ITGA5: variants seen among roughly 807,000 people sequenced by gnomAD.
The protein encoded by ITGA5 is integrin alpha-5.
A neutral mutation model predicts 146.3 loss-of-function variants in ITGA5; 55 were observed. The observed-to-expected ratio is 0.38, with a 90% confidence interval of 0.30 to 0.47. ITGA5 has a LOEUF of 0.47. Among genes scored for constraint, ITGA5 ranks in the 20% least tolerant of loss-of-function variants. ITGA5 has a pLI of 0.99. For missense variants in ITGA5, 1,131 were observed against 1,329.0 expected, an observed-to-expected ratio of 0.85 and a Z score of 2.32; for synonymous variants, 500 against 531.8, an observed-to-expected ratio of 0.94 and a Z score of 0.82.
At chr12:54,412,204 C>T (rs965398064) in intron 1 of ITGA5, 2 of 425,400 alleles carry the variant, frequency 4.7e-6, no homozygotes, top group Non-Finnish European at 8.5e-6. Context: ...TCTCTGTCCT[C>T]TCCTACCTTA....
intron 2 of ITGA5, 130 bp downstream of exon 2, chr12:54,411,704 A>T: frequency 3.1e-6 from 2 of 648,838 alleles, no homozygotes; most frequent in South Asian, 6.2e-5. Context: ...TTGGAGCACC[A>T]GAGCTGGTGC....
At chr12:54,396,590 T>C (rs1955714008) in intron 29 of ITGA5, among the ~76,000 whole-genome samples, 1 of 152,214 alleles carries the variant, frequency 6.6e-6, no homozygotes, top group African/African-American at 2.4e-5. Context: ...GGGTATCTTT[T>C]ACCAGTGCCT....
At chr12:54,413,302 C>G (rs73113392) in intron 1 of ITGA5, 1 of 152,526 alleles carries the variant, frequency 6.6e-6, no homozygotes, top group Non-Finnish European at 1.5e-5. Context: ...AGGACAGGTC[C>G]GAGGGGACGG....
At position 54,409,823 on chromosome 12, in the gene ITGA5, T is replaced by A; in HGVS notation, c.350-226A>T. 1 of 492,136 alleles carries A rather than the reference T, an allele frequency of 2.0e-6. No individual in the cohort carries two copies. The highest frequency in any genetic ancestry group is 3.6e-5 in the East Asian group (1 of 28,014). 30.5% of individuals were successfully genotyped at this position (492,136 alleles called of 1,614,324 possible). On this transcript the variant is annotated intron_variant, in intron 2 of 29. Coordinates refer to ENST00000293379, the MANE Select transcript of ITGA5 (RefSeq NM_002205.5). The surrounding 1 kb of genome is among the most constrained non-coding windows in gnomAD (Gnocchi z 4.7). ...ACACATACACATACACACACACACA[T>A]ACATACACACGCACGCACACGCACA...
In ITGA5 at chr12:54,395,777, ATAGT is replaced by A. The variant is rs1955699578; in HGVS notation, c.*512_*515del. On this transcript the variant is annotated 3_prime_UTR_variant, in exon 30 of 30. Coordinates refer to ENST00000293379, the MANE Select transcript of ITGA5 (RefSeq NM_002205.5). ...CTGAGCTGGTCCTGGGGCACCATGCATAGTTAGTGTTCTTTGTTGGCCCACCAGG... is the reference window on the plus strand; with the variant it reads ...CTGAGCTGGTCCTGGGGCACCATGCATAGTGTTCTTTGTTGGCCCACCAGG... 1 of 157,312 alleles carries A rather than the reference ATAGT, an allele frequency of 6.4e-6. No homozygotes were observed. Among genetic ancestry groups the A allele is most frequent in the South Asian group, 1.9e-4 (1 of 5,316 alleles). The allele number at this position is 157,312 out of a possible 1,614,324, so 9.7% of individuals were successfully genotyped here.
chr12:54,407,770 C>A (rs1401789778), intron 8 of ITGA5, 62 bp downstream of exon 8: 3 of 1,604,134 alleles, frequency 1.9e-6, no homozygotes, highest in Non-Finnish European at 1.7e-6. Context: ...AGTTCATGGG[C>A]TCTCTGGCCC....
intron 4 of ITGA5, 26 bp from the exon 5 acceptor site, chr12:54,408,980 T>C (rs781152235): frequency 6.2e-7 from 1 of 1,610,736 alleles, no homozygotes; most frequent in South Asian, 1.1e-5. Context: ...GTGGTGAAAA[T>C]GAGCCCTGCA....
chr12:54,403,085 A>G lies in ITGA5; in HGVS notation c.1915-35T>C. Reference sequence around the variant, plus strand: ...AGGGCAGCCTTGAGAGGGGAAGTTTAGACCCATTCCTGGGCTGTAGGCTCT... The same window carrying G: ...AGGGCAGCCTTGAGAGGGGAAGTTTGGACCCATTCCTGGGCTGTAGGCTCT... On this transcript the variant is annotated intron_variant, in intron 18 of 29. Transcript: ENST00000293379. This position sits in a 1 kb window ranked among gnomAD's most constrained non-coding sequence, Gnocchi z 4.9. The G allele has an allele frequency of 6.2e-7, 1 of 1,613,464 alleles. No homozygotes were observed.
chr12:54,401,684 A>G lies in ITGA5; in HGVS notation c.2307-19T>C, dbSNP rs776096493. The G allele has an allele frequency of 2.5e-6, 4 of 1,613,990 alleles. No individual in the cohort carries two copies. The Admixed American group carries it at 6.7e-5, about 27-fold the overall frequency. ...ATTCTTGCTGTGGGATGGAGGCAAG[A>G]CTGAGGTGCTGGAGTGCAGCCAGTG... On this transcript the variant is annotated intron_variant, in intron 22 of 29. Coordinates refer to ENST00000293379, the MANE Select transcript of ITGA5 (RefSeq NM_002205.5). The surrounding 1 kb of genome is among the most constrained non-coding windows in gnomAD (Gnocchi z 5.0).
At chr12:54,405,555 T>G in intron 11 of ITGA5, 109 bp downstream of exon 11, 1 of 1,131,414 alleles carries the variant, frequency 8.8e-7, no homozygotes, top group Middle Eastern at 2.0e-4. Context: ...TGAGCGAGAG[T>G]CTAGAGAAAA....
chr12:54,397,100 C>A (rs1464632378), intron 29 of ITGA5, among the ~76,000 whole-genome samples: 1 of 152,116 alleles, frequency 6.6e-6, no homozygotes, highest in African/African-American at 2.4e-5. Flanking sequence ...ACAAATGCCA[C>A]GTATTTGTCA....
chr12:54,407,777 G>C, intron 8 of ITGA5, 55 bp downstream of exon 8: 1 of 1,605,702 alleles, frequency 6.2e-7, no homozygotes, highest in Non-Finnish European at 8.5e-7. Flanking sequence ...GGGCTCTCTG[G>C]CCCTGTGCCT....
chr12:54,397,611 G>A (rs1436475574), intron 28 of ITGA5, 124 bp from the exon 29 acceptor site: 1 of 1,164,256 alleles, frequency 8.6e-7, no homozygotes, highest in African/African-American at 1.5e-5. Context: ...GAACAGGGAG[G>A]GCCTGTGTCT....
chr12:54,409,154 G>T lies in ITGA5; in HGVS notation c.583+78C>A. ...CCTCATGGGGGCACATGGTAGGTGC[G>T]AGTCAACCCTAAGTATGTGAGACAC... On this transcript the variant is annotated intron_variant, in intron 4 of 29. Coordinates refer to ENST00000293379, the MANE Select transcript of ITGA5 (RefSeq NM_002205.5). This position sits in a 1 kb window ranked among gnomAD's most constrained non-coding sequence, Gnocchi z 4.7. 6.4e-7 allele frequency: 1 copy of T among 1,550,402 alleles called. No individual in the cohort carries two copies. Among genetic ancestry groups the T allele is most frequent in the Non-Finnish European group, 8.7e-7 (1 of 1,146,872 alleles).
chr12:54,400,660 A>G (rs1375858839), intron 25 of ITGA5, 186 bp downstream of exon 25: 1 of 571,058 alleles, frequency 1.8e-6, no homozygotes. Flanking sequence ...GCAGAAAGAA[A>G]CACAGTGGAT....
At position 54,399,895 on chromosome 12, in the gene ITGA5, C is replaced by A. The variant is rs775645257; in HGVS notation, c.2696G>T (p.Arg899Leu). 1 of 1,614,054 alleles carries A rather than the reference C, an allele frequency of 6.2e-7. No individual in the cohort carries two copies. The highest frequency in any genetic ancestry group is 1.3e-5 in the African/African-American group (1 of 74,918). ...HHQQKREAPS[R>L]SSASSGPQIL... is the part of the protein sequence containing the mutation. ...CTGAGGTCCCGAGGAAGCAGAGCTG[C>A]GGCTTGGAGCTTCCCGTTTTTGCTG... Residue 899 changes from arginine to leucine, a missense_variant, in exon 26 of 30, where the codon CGC becomes CTC. Physicochemically the swap from Arg to Leu is moderately radical, Grantham distance 102. Transcript: ENST00000293379.
In ITGA5 at chr12:54,408,104, G is replaced by C; in HGVS notation, c.817+6C>G. ...TCTGCCATCCCTTCCCCACTTGCTT[G>C]CTCACCTAGGTAGCTGTCATCATAG... On this transcript the variant is annotated splice_donor_region_variant and intron_variant, in intron 7 of 29. Coordinates refer to ENST00000293379, the MANE Select transcript of ITGA5 (RefSeq NM_002205.5). 6.2e-7 allele frequency: 1 copy of C among 1,614,106 alleles called. No homozygotes were observed. Among genetic ancestry groups the C allele is most frequent in the Non-Finnish European group, 8.5e-7 (1 of 1,180,014 alleles).
rs968413055 is a variant in ITGA5, at chr12:54,418,882, C to T, written c.218+99G>A. The T allele has an allele frequency of 1.3e-5, 18 of 1,382,216 alleles. 1 individual carries two copies. In the South Asian group the frequency reaches 2.0e-4, roughly 15 times the overall value. 85.6% of individuals were successfully genotyped at this position (1,382,216 alleles called of 1,614,324 possible). Reference sequence around the variant, plus strand: ...CAGCTCTATTCCTTACAAACTCCACCCTCAAACTTAAGCCCTGGTCCCCTC... The same window carrying T: ...CAGCTCTATTCCTTACAAACTCCACTCTCAAACTTAAGCCCTGGTCCCCTC... On this transcript the variant is annotated intron_variant, in intron 1 of 29. Transcript: ENST00000293379.
In ITGA5 at chr12:54,404,473, G is replaced by C; in HGVS notation, c.1420C>G (p.Leu474Val). The part of the protein sequence containing the change: ...RDLDGNGYPD[L>V]IVGSFGVDKA... ...TCCACACCAAAGGACCCCACAATCA[G>C]ATCTGTAAGAAGTCAAGAAATCACC... Residue 474 changes from leucine (L) to valine (V), a missense_variant and splice_region_variant, in exon 14 of 30, where the codon CTG (leucine) becomes GTG (valine). Around this residue, in one of 3 missense-constraint regions of ITGA5, gnomAD observed 889 missense variants for 1,021.5 expected, o/e 0.87. Coordinates refer to ENST00000293379, the MANE Select transcript of ITGA5 (RefSeq NM_002205.5). 2 of 1,614,096 alleles carry C rather than the reference G, an allele frequency of 1.2e-6. No homozygotes were observed. The highest frequency in any genetic ancestry group is 4.5e-5 in the East Asian group (2 of 44,890).
Sources: allele counts gnomAD v4.1 joint callset (sites outside exome capture counted in the v4.1 genomes callset), GRCh38; gene constraint gnomAD v4.1.1; regional missense constraint gnomAD v4.1.1; non-coding constraint Gnocchi (gnomAD v3.1); transcripts MANE v1.5; gene names NCBI Gene and HGNC (gene_info 2026-07-23, HGNC 2026-07-21).